Variants in TXNDC11 observed in about 807,000 individuals in gnomAD.
The protein encoded by TXNDC11 is thioredoxin domain containing 11.
A neutral mutation model predicts 78.0 loss-of-function variants in TXNDC11; 68 were observed. The ratio of observed to expected loss-of-function variants is 0.87; its 90% CI spans 0.72 to 1.07. The LOEUF is 1.07. Ranked by LOEUF, TXNDC11 falls within the 50% of genes least tolerant of loss-of-function variation. TXNDC11 has a pLI of 0.00. For synonymous variants in TXNDC11, 571 were observed against 495.2 expected (o/e 1.15, Z -2.03); for missense variants, 1,389 against 1,221.8 (o/e 1.14, Z -2.04).
chr16:11,732,954 C>G (rs1040934719), intron 3 of TXNDC11, among the ~76,000 whole-genome samples: 1 of 152,152 alleles, frequency 6.6e-6, no homozygotes, highest in South Asian at 2.1e-4. Context: ...GAACAAAGTC[C>G]AAAGTCCTAT....
At chr16:11,684,705 T>C (rs2050518457) in intron 10 of TXNDC11, among the ~76,000 whole-genome samples, 1 of 152,242 alleles carries the variant, frequency 6.6e-6, no homozygotes, top group South Asian at 2.1e-4. Context: ...GATTTGACAT[T>C]AATTTTCTAA....
At chr16:11,741,320 G>T (rs961094546) in intron 1 of TXNDC11, among the ~76,000 whole-genome samples, 1 of 152,170 alleles carries the variant, frequency 6.6e-6, no homozygotes, top group Non-Finnish European at 1.5e-5. Context: ...ACCCACTGTG[G>T]ATTTGGGAGA....
rs558973954 is a variant in TXNDC11 at position 11,705,146 on chromosome 16, C to T, written c.794-4582G>A. 3.8e-4 allele frequency among the ~76,000 whole-genome samples: 58 copies of T among 152,232 alleles called. No homozygotes were observed. In the South Asian group the frequency reaches 5.0e-3, roughly 13 times the overall value. On this transcript the variant is annotated intron_variant, in intron 5 of 11. Coordinates refer to ENST00000283033, the MANE Select transcript of TXNDC11 (RefSeq NM_015914.7). Reference sequence around the variant, plus strand: ...TCCTAACCTCAAGTGATCCACCTGGCCTCAGCCTCCCAAAGTGCTGAGATT... The same window carrying T: ...TCCTAACCTCAAGTGATCCACCTGGTCTCAGCCTCCCAAAGTGCTGAGATT...
In TXNDC11 at chr16:11,684,260, G is replaced by C; in HGVS notation, c.2154-15C>G. 1.9e-6 allele frequency: 3 copies of C among 1,596,760 alleles called. No homozygotes were observed. The highest frequency in any genetic ancestry group is 2.2e-5 in the South Asian group (2 of 90,500). On this transcript the variant is annotated splice_polypyrimidine_tract_variant and intron_variant, in intron 10 of 11. Transcript: ENST00000283033. ...ACACGTCAATCCTGGTAAAGGGAAA[G>C]AACAGAAATGGCAGATGATCAGCCC... is the stretch of plus-strand genomic sequence containing the variant.
chr16:11,733,422 G>C (rs548800836), intron 3 of TXNDC11, among the ~76,000 whole-genome samples: 1 of 152,108 alleles, frequency 6.6e-6, no homozygotes, highest in African/African-American at 2.4e-5. Flanking sequence ...AACTACTTGG[G>C]AGGCTGAGGC....
chr16:11,742,760 G>A lies in TXNDC11; in HGVS notation c.-30C>T, dbSNP rs779119958. 5.7e-5 allele frequency: 81 copies of A among 1,412,916 alleles called. No homozygotes were observed. The highest frequency in any genetic ancestry group is 2.8e-4 in the South Asian group (18 of 64,428). The allele number at this position is 1,412,916 out of a possible 1,614,324, so 87.5% of individuals were successfully genotyped here. On this transcript the variant is annotated 5_prime_UTR_variant, in exon 1 of 12. Transcript: ENST00000283033. ...TGCTCCCAGTCGCCGGCTTTATACC[G>A]CCGCCGCCGCCTCGGGCCCGAAGGC...
At chr16:11,708,506 G>C (rs1271880269) in intron 5 of TXNDC11, among the ~76,000 whole-genome samples, 1 of 152,162 alleles carries the variant, frequency 6.6e-6, no homozygotes, top group African/African-American at 2.4e-5. Flanking sequence ...CTCCAGGTCT[G>C]AACAATGTGG....
intron 4 of TXNDC11, among the ~76,000 whole-genome samples, chr16:11,729,445 C>T (rs1407883961): frequency 8.7e-6 from 1 of 114,920 alleles, no homozygotes; most frequent in South Asian, 2.8e-4. Flanking sequence ...GGAATCTCTG[C>T]TAATAGTTAA....
chr16:11,697,785 G>A (rs999191607), intron 7 of TXNDC11, among the ~76,000 whole-genome samples: 1 of 152,128 alleles, frequency 6.6e-6, no homozygotes, highest in Non-Finnish European at 1.5e-5. Context: ...GCCACTCCCT[G>A]TTTCACCCCC....
chr16:11,680,804 T>C (rs1033090227), intron 11 of TXNDC11, among the ~76,000 whole-genome samples: 4 of 152,166 alleles, frequency 2.6e-5, no homozygotes, highest in Admixed American at 1.3e-4. Context: ...GGGGTAAACA[T>C]TCAACCATCC....
chr16:11,723,325 C>T (rs963631733), intron 4 of TXNDC11, among the ~76,000 whole-genome samples: 14 of 151,576 alleles, frequency 9.2e-5, no homozygotes, highest in African/African-American at 3.2e-4. Context: ...TGGCTCACGC[C>T]TGTAATCCCA....
chr16:11,703,162 C>A (rs2051081413), intron 5 of TXNDC11, among the ~76,000 whole-genome samples: 1 of 152,112 alleles, frequency 6.6e-6, no homozygotes, highest in Non-Finnish European at 1.5e-5. Context: ...GTACAAATAA[C>A]CCTAACTATT....
chr16:11,689,885 G>C (rs1181498263), intron 8 of TXNDC11: 1 of 152,194 alleles, frequency 6.6e-6, no homozygotes, highest in Non-Finnish European at 1.5e-5. Flanking sequence ...AATATCGACA[G>C]ATTTATGCCC....
intron 3 of TXNDC11, 91 bp from the exon 4 acceptor site, chr16:11,730,865 C>T (rs2052025133): frequency 3.0e-6 from 3 of 1,004,652 alleles, no homozygotes; most frequent in Admixed American, 3.4e-5. Flanking sequence ...TCATCACCAC[C>T]ACAAAATGAA....
intron 5 of TXNDC11, among the ~76,000 whole-genome samples, chr16:11,709,677 C>T (rs570587985): frequency 6.6e-5 from 10 of 151,690 alleles, no homozygotes; most frequent in African/African-American, 1.9e-4. Flanking sequence ...CCTCGTGATC[C>T]GCCCGCCTCG....
At chr16:11,702,078 G>C (rs1015750225) in intron 5 of TXNDC11, among the ~76,000 whole-genome samples, 1 of 142,948 alleles carries the variant, frequency 7.0e-6, no homozygotes, top group Non-Finnish European at 1.5e-5. Context: ...GTGTGTGTGT[G>C]TATGTATGTA....
chr16:11,721,485 A>C (rs776657681), intron 5 of TXNDC11, 92 bp downstream of exon 5: 1 of 687,668 alleles, frequency 1.5e-6, no homozygotes, highest in South Asian at 1.8e-5. Flanking sequence ...GGAATCAAGC[A>C]AATTAGAATA....
Position 11,680,773 on chromosome 16 carries a change from C to T in TXNDC11, c.2235-936G>A, listed in dbSNP as rs1335471249. ...GCTGCCCAGGGCCACTGGACCCGGC[C>T]GTAAATTGTTTTATAATTTTGGGGT... On this transcript the variant is annotated intron_variant, in intron 11 of 11. Coordinates refer to ENST00000283033, the MANE Select transcript of TXNDC11 (RefSeq NM_015914.7). 6.6e-5 allele frequency among the ~76,000 whole-genome samples: 10 copies of T among 152,230 alleles called. No individual in the cohort carries two copies. In the South Asian group the frequency reaches 1.2e-3, roughly 19 times the overall value.
intron 6 of TXNDC11, among the ~76,000 whole-genome samples, chr16:11,699,593 C>T (rs1038337782): frequency 1.3e-5 from 2 of 152,234 alleles, no homozygotes; most frequent in African/African-American, 4.8e-5. Flanking sequence ...AGAAGTAAAG[C>T]ACAGCATCTG....
Sources: gnomAD v4.1 joint callset for allele counts (sites outside exome capture counted in the v4.1 genomes callset) on GRCh38, gnomAD v4.1.1 for gene constraint, MANE v1.5 for transcripts, NCBI Gene and HGNC (gene_info 2026-07-23, HGNC 2026-07-21) for gene names.